Variants in CNTNAP4 observed in about 807,000 individuals in gnomAD.
The protein encoded by CNTNAP4 is contactin associated protein family member 4.
A neutral mutation model predicts 148.4 loss-of-function variants in CNTNAP4; 98 were observed. The ratio of observed to expected loss-of-function variants is 0.66; its 90% CI spans 0.56 to 0.78. The LOEUF (loss-of-function observed/expected upper bound fraction) is 0.78, where lower values mean the gene tolerates loss of function less well. Among genes scored for constraint, CNTNAP4 ranks in the 30% least tolerant of loss-of-function variants. CNTNAP4 has a pLI of 0.00. For missense variants in CNTNAP4, 1,935 were observed against 1,565.6 expected, an observed-to-expected ratio of 1.24 and a Z score of -3.98; for synonymous variants, 730 against 565.1, an observed-to-expected ratio of 1.29 and a Z score of -4.14.
intron 23 of CNTNAP4, chr16:76,557,880 T>C (rs909653068): frequency 1.3e-5 from 2 of 152,202 alleles, no homozygotes; most frequent in Non-Finnish European, 2.9e-5. Context: ...TGACCTAATA[T>C]AATGCCAGCG....
At chr16:76,483,144 A>G (rs376568633) in intron 12 of CNTNAP4, among the ~76,000 whole-genome samples, 3 of 152,074 alleles carry the variant, frequency 2.0e-5, no homozygotes, top group Admixed American at 6.6e-5. Flanking sequence ...ATCCGGATCT[A>G]TACACATACA....
At chr16:76,299,645 A>G (rs998394024) in intron 1 of CNTNAP4, among the ~76,000 whole-genome samples, 4 of 152,202 alleles carry the variant, frequency 2.6e-5, no homozygotes, top group Admixed American at 2.0e-4. Context: ...CCATTACTGG[A>G]TATATACCCA....
chr16:76,410,738 C>A (rs935818693), intron 3 of CNTNAP4, among the ~76,000 whole-genome samples: 11 of 151,350 alleles, frequency 7.3e-5, no homozygotes, highest in African/African-American at 2.7e-4. Context: ...GTCAGAAAAC[C>A]CAAAATAACA....
intron 4 of CNTNAP4, among the ~76,000 whole-genome samples, chr16:76,435,609 C>A (rs771947869): frequency 4.6e-5 from 7 of 152,114 alleles, no homozygotes; most frequent in Non-Finnish European, 1.0e-4. Context: ...AGGTGTTGGT[C>A]AAGGGTATAT....
chr16:76,363,696 G>T (rs566530215), intron 3 of CNTNAP4, among the ~76,000 whole-genome samples: 1 of 152,246 alleles, frequency 6.6e-6, no homozygotes, highest in African/African-American at 2.4e-5. Flanking sequence ...AAGTGAACAG[G>T]CATCCTAAAG....
intron 2 of CNTNAP4, 75 bp downstream of exon 2, chr16:76,316,598 T>G: frequency 1.1e-6 from 1 of 919,916 alleles, no homozygotes; most frequent in Non-Finnish European, 1.8e-6. Context: ...ATACAGTCAT[T>G]ATGAATGATA....
chr16:76,428,055 A>G (rs1453506286), intron 4 of CNTNAP4, among the ~76,000 whole-genome samples: 2 of 152,174 alleles, frequency 1.3e-5, no homozygotes, highest in African/African-American at 4.8e-5. Flanking sequence ...ATTCACCTTT[A>G]AATGTGCTAT....
chr16:76,464,450 T>A (rs1318473166), intron 9 of CNTNAP4, among the ~76,000 whole-genome samples: 1 of 152,160 alleles, frequency 6.6e-6, no homozygotes, highest in Non-Finnish European at 1.5e-5. Flanking sequence ...CCTGGGGAAC[T>A]GTGACAGTCG....
chr16:76,539,636 A>G lies in CNTNAP4; in HGVS notation c.3221-83A>G, dbSNP rs1472904002. 6.9e-6 allele frequency: 8 copies of G among 1,159,686 alleles called. No homozygotes were observed. The Admixed American group carries it at 2.3e-4, about 33-fold the overall frequency. 71.8% of individuals were successfully genotyped at this position (1,159,686 alleles called of 1,614,324 possible). A position where few individuals can be genotyped will look rare whatever the true frequency, so the allele number is the denominator to read the frequency against. On this transcript the variant is annotated intron_variant, in intron 19 of 23. Transcript: ENST00000611870. Reference sequence around the variant, plus strand: ...TTTCCCTCGAAATGAATAAATAGCAACAAAAAATCACTCTGATTTTTAAGT... The same window carrying G: ...TTTCCCTCGAAATGAATAAATAGCAGCAAAAAATCACTCTGATTTTTAAGT...
At chr16:76,341,897 A>C (rs535103073) in intron 2 of CNTNAP4, among the ~76,000 whole-genome samples, 4 of 152,316 alleles carry the variant, frequency 2.6e-5, no homozygotes, top group Admixed American at 1.3e-4. Context: ...TTAGAAAAAA[A>C]CCCAAGAAGT....
intron 2 of CNTNAP4, among the ~76,000 whole-genome samples, chr16:76,336,777 C>T (rs1351898714): frequency 6.6e-6 from 1 of 152,156 alleles, no homozygotes; most frequent in Non-Finnish European, 1.5e-5. Flanking sequence ...TTTGAGTTGA[C>T]ATGTTGGTTG....
intron 1 of CNTNAP4, among the ~76,000 whole-genome samples, chr16:76,304,989 G>C (rs1351659703): frequency 3.3e-5 from 5 of 152,304 alleles, no homozygotes; most frequent in Middle Eastern, 3.4e-3. Flanking sequence ...ATGTAGCACA[G>C]TTTGTTTAAT....
intron 3 of CNTNAP4, among the ~76,000 whole-genome samples, chr16:76,374,751 T>G (rs907966789): frequency 7.9e-6 from 1 of 127,050 alleles, no homozygotes; most frequent in African/African-American, 2.9e-5. Context: ...ACTATTATTA[T>G]TATTATTATT....
intron 21 of CNTNAP4, among the ~76,000 whole-genome samples, chr16:76,549,280 T>C (rs1377422962): frequency 6.6e-6 from 1 of 152,176 alleles, no homozygotes; most frequent in Non-Finnish European, 1.5e-5. Context: ...TCTCTGTTTC[T>C]CAAGGTGCTA....
intron 2 of CNTNAP4, among the ~76,000 whole-genome samples, chr16:76,348,182 G>A (rs8049390): frequency 0.18 from 26,446 of 150,996 alleles, 2,848 homozygotes; most frequent in East Asian, 0.33. Flanking sequence ...GGGGTCAAGC[G>A]TGACTCTTTT....
In CNTNAP4 at chr16:76,510,088, A is replaced by G. The variant is rs566898855; in HGVS notation, c.2366-11052A>G. ...AGCAACCATCACCATAATCATTTTG[A>G]GGACATTTTTATCACCCCCAAAGTA... On this transcript the variant is annotated intron_variant, in intron 15 of 23. Transcript: ENST00000611870. Among the ~76,000 whole-genome samples the G allele has an allele frequency of 1.6e-3, 236 of 149,212 alleles. 32 individuals carry two copies. Among genetic ancestry groups the G allele is most frequent in the African/African-American group, 5.4e-3 (223 of 41,332 alleles).
chr16:76,300,257 A>G (rs1002966815), intron 1 of CNTNAP4, among the ~76,000 whole-genome samples: 1 of 152,196 alleles, frequency 6.6e-6, no homozygotes, highest in African/African-American at 2.4e-5. Flanking sequence ...TGTTGCTTAT[A>G]AGCAGATATC....
At chr16:76,515,626 C>T (rs922047554) in intron 15 of CNTNAP4, among the ~76,000 whole-genome samples, 22 of 152,144 alleles carry the variant, frequency 1.4e-4, no homozygotes, top group Admixed American at 5.2e-4. Context: ...TTTGTTATGG[C>T]AGCCTGGGCA....
At chr16:76,479,653 A>G (rs2143658766) in intron 12 of CNTNAP4, 115 bp downstream of exon 12, 2 of 1,020,652 alleles carry the variant, frequency 2.0e-6, no homozygotes, top group Non-Finnish European at 2.8e-6. Flanking sequence ...TAAAATATGT[A>G]TTGTTCCTTA....
Sources: allele counts gnomAD v4.1 joint callset (sites outside exome capture counted in the v4.1 genomes callset), GRCh38; gene constraint gnomAD v4.1.1; transcripts MANE v1.5; gene names NCBI Gene and HGNC (gene_info 2026-07-23, HGNC 2026-07-21).